DIP2C: variants seen among roughly 807,000 people sequenced by gnomAD.
DIP2C encodes disco-interacting protein 2 homolog C.
In DIP2C, 33 loss-of-function variants were observed where a neutral mutation model predicts 192.4. That is an observed-to-expected ratio of 0.17 (90% CI 0.13 to 0.23). The LOEUF is 0.23. Ranked by LOEUF, DIP2C falls within the 10% of genes least tolerant of loss-of-function variation. The pLI is 1.00. For missense variants in DIP2C, 1,537 were observed against 2,110.1 expected, an observed-to-expected ratio of 0.73 and a Z score of 5.32; for synonymous variants, 979 against 864.1, an observed-to-expected ratio of 1.13 and a Z score of -2.33.
At chr10:413,786 G>A (rs1375342071) in intron 8 of DIP2C, 127 bp downstream of exon 8, 8 of 1,220,072 alleles carry the variant, frequency 6.6e-6, no homozygotes, top group African/African-American at 1.5e-5. Flanking sequence ...GAGGGCGTGG[G>A]CAAAGGGCAG....
chr10:670,501 G>T (rs2132141733), intron 1 of DIP2C, among the ~76,000 whole-genome samples: 1 of 152,262 alleles, frequency 6.6e-6, no homozygotes. Context: ...TGGATGTTCT[G>T]GAATGTTCCA....
At chr10:446,510 A>C (rs1968232806) in intron 3 of DIP2C, among the ~76,000 whole-genome samples, 2 of 152,248 alleles carry the variant, frequency 1.3e-5, no homozygotes, top group Non-Finnish European at 2.9e-5. Context: ...TTTCTAAATA[A>C]GGCCCTGTGT....
chr10:439,392 T>C (rs1967542365), intron 4 of DIP2C, among the ~76,000 whole-genome samples: 1 of 120,140 alleles, frequency 8.3e-6, no homozygotes, highest in South Asian at 2.2e-4. Flanking sequence ...CTGTGTTCTT[T>C]AGACGAAGAT....
chr10:565,354 TAAAAAA>T (rs59721670), intron 1 of DIP2C, among the ~76,000 whole-genome samples: 1 of 114,136 alleles, frequency 8.8e-6, no homozygotes, highest in African/African-American at 3.8e-5. Flanking sequence ...ACCTGCATTC[TAAAAAA>T]AAAAAAAAAA....
intron 13 of DIP2C, 123 bp from the exon 14 acceptor site, chr10:387,932 G>C (rs549438283): frequency 6.7e-5 from 76 of 1,130,828 alleles, no homozygotes; most frequent in Non-Finnish European, 9.2e-5. Context: ...TCATTTTGCC[G>C]TATCTTGGTG....
At chr10:303,157 C>T (rs1486056004) in intron 32 of DIP2C, among the ~76,000 whole-genome samples, 1 of 152,126 alleles carries the variant, frequency 6.6e-6, no homozygotes, top group Non-Finnish European at 1.5e-5. Flanking sequence ...CCACACGTGG[C>T]GGTAGATTCT....
chr10:617,102 C>CA (rs1189326134), intron 1 of DIP2C, among the ~76,000 whole-genome samples: 2 of 152,166 alleles, frequency 1.3e-5, no homozygotes, highest in Admixed American at 1.3e-4. Flanking sequence ...GAGGTGCCCC[C>CA]ACACCCAGAC....
Position 644,411 on chromosome 10 carries a change from T to G in DIP2C, c.85+45083A>C, listed in dbSNP as rs957771294. On this transcript the variant is annotated intron_variant, in intron 1 of 36. Transcript: ENST00000280886. ...CTACAGCCAACCCTCTGGATAATAG[T>G]TGAGACGTATTTTAGAGAAGGAAAC... 7.9e-5 allele frequency among the ~76,000 whole-genome samples: 12 copies of G among 152,378 alleles called. No individual in the cohort carries two copies. In the South Asian group the frequency reaches 2.1e-3, roughly 26 times the overall value.
intron 1 of DIP2C, among the ~76,000 whole-genome samples, chr10:594,849 C>G (rs974086432): frequency 6.6e-6 from 1 of 152,178 alleles, no homozygotes; most frequent in African/African-American, 2.4e-5. Flanking sequence ...GCTGTGGACA[C>G]TGCAGGAAAT....
At chr10:308,681 G>A (rs953444251) in intron 32 of DIP2C, among the ~76,000 whole-genome samples, 16 of 152,330 alleles carry the variant, frequency 1.1e-4, no homozygotes, top group African/African-American at 3.8e-4. Flanking sequence ...GGGGGCAGGC[G>A]TTGCCTCTGG....
intron 23 of DIP2C, 31 bp downstream of exon 23, chr10:357,797 G>C (rs116429808): frequency 6.4e-7 from 1 of 1,553,716 alleles, no homozygotes; most frequent in African/African-American, 1.4e-5. Context: ...AGTCGGGGAC[G>C]GTCGGGGAGA....
At chr10:477,851 A>G (rs1843201971) in intron 2 of DIP2C, among the ~76,000 whole-genome samples, 1 of 139,268 alleles carries the variant, frequency 7.2e-6, no homozygotes, top group South Asian at 2.6e-4. Flanking sequence ...AGAAAAAAGG[A>G]GAAGTGAAGG....
intron 36 of DIP2C, among the ~76,000 whole-genome samples, 159 bp from the exon 37 acceptor site, chr10:277,736 T>A (rs1309129268): frequency 6.6e-6 from 1 of 152,016 alleles, no homozygotes; most frequent in Admixed American, 6.6e-5. Context: ...CCACTAATCG[T>A]TCCCCATACA....
chr10:657,928 G>C (rs1856487306), intron 1 of DIP2C, among the ~76,000 whole-genome samples: 1 of 151,432 alleles, frequency 6.6e-6, no homozygotes, highest in African/African-American at 2.4e-5. Context: ...CCTGTCCCTG[G>C]ACCTGCCCCT....
At chr10:592,487 A>C (rs1312781345) in intron 1 of DIP2C, among the ~76,000 whole-genome samples, 3 of 151,506 alleles carry the variant, frequency 2.0e-5, no homozygotes, top group Non-Finnish European at 4.4e-5. Flanking sequence ...CAGTGAAAAT[A>C]AACTATAGCC....
intron 1 of DIP2C, among the ~76,000 whole-genome samples, chr10:674,141 C>T (rs1182936388): frequency 6.6e-6 from 1 of 152,088 alleles, no homozygotes; most frequent in Non-Finnish European, 1.5e-5. Flanking sequence ...ACCCCAAGCA[C>T]CCCAATTAAA....
intron 1 of DIP2C, among the ~76,000 whole-genome samples, chr10:619,710 TGACCACCTGGTCGGG>T (rs1257848475): frequency 1.3e-5 from 2 of 151,998 alleles, no homozygotes; most frequent in Admixed American, 1.3e-4. Context: ...AAGCAATGAG[TGACCACCTGGTCGGG>T]GACCTCCATG....
chr10:330,178 G>A (rs1014397665), intron 29 of DIP2C, among the ~76,000 whole-genome samples: 8 of 151,900 alleles, frequency 5.3e-5, no homozygotes, highest in Non-Finnish European at 1.2e-4. Flanking sequence ...CAGCCAGGGT[G>A]AAAAAAAGAC....
intron 3 of DIP2C, among the ~76,000 whole-genome samples, chr10:456,400 G>C (rs1969299724): frequency 6.8e-6 from 1 of 146,520 alleles, no homozygotes; most frequent in African/African-American, 2.7e-5. Context: ...GTCCCTGCCT[G>C]AGGGGAGGCT....
Sources: gnomAD v4.1 joint callset for allele counts (sites outside exome capture counted in the v4.1 genomes callset) on GRCh38, gnomAD v4.1.1 for gene constraint, MANE v1.5 for transcripts, NCBI Gene and HGNC (gene_info 2026-07-23, HGNC 2026-07-21) for gene names.